The following PTK2 variants were observed in gnomAD, a reference collection of about 807,000 sequenced individuals.
PTK2 encodes focal adhesion kinase 1.
Under a neutral mutation model 150.1 loss-of-function variants are expected in PTK2, and 45 were observed. The ratio of observed to expected loss-of-function variants is 0.30; its 90% CI spans 0.24 to 0.38. The LOEUF (loss-of-function observed/expected upper bound fraction) is 0.38, where lower values mean the gene tolerates loss of function less well. PTK2 is among the 10% of genes least tolerant of loss of function. PTK2 has a pLI of 1.00. For missense variants in PTK2, 919 were observed against 1,307.3 expected (o/e 0.70, Z 4.58); for synonymous variants, 432 against 449.2 (o/e 0.96, Z 0.48).
In PTK2 at chr8:140,963,015, C is replaced by T. The variant is rs184118408; in HGVS notation, c.-121-37266G>A. Among the ~76,000 whole-genome samples the T allele has an allele frequency of 3.9e-5, 6 of 152,072 alleles. No individual in the cohort carries two copies. The East Asian group carries it at 1.2e-3, about 29-fold the overall frequency. ...CAATATATAAACAATTTGAATGCAT[C>T]CCAATAAATACATATTTACAAAAGC... On this transcript the variant is annotated intron_variant, in intron 1 of 31. Transcript: ENST00000522684.
At chr8:140,971,988 T>C (rs925401550) in intron 1 of PTK2, among the ~76,000 whole-genome samples, 1 of 152,224 alleles carries the variant, frequency 6.6e-6, no homozygotes, top group Non-Finnish European at 1.5e-5. Context: ...TATAAATGCC[T>C]TCTAAGCAAT....
intron 4 of PTK2, among the ~76,000 whole-genome samples, chr8:140,877,837 T>G (rs1287735068): frequency 2.0e-5 from 3 of 152,122 alleles, no homozygotes; most frequent in African/African-American, 4.8e-5. Flanking sequence ...GTAAATAAAT[T>G]GGCTTAAAAG....
intron 16 of PTK2, among the ~76,000 whole-genome samples, chr8:140,756,536 A>C (rs1453461685): frequency 2.0e-5 from 3 of 150,708 alleles, no homozygotes; most frequent in African/African-American, 7.3e-5. Flanking sequence ...CATCTCTACT[A>C]AAAATACAAA....
chr8:140,987,966 G>A (rs923622872), intron 1 of PTK2, among the ~76,000 whole-genome samples: 2 of 151,404 alleles, frequency 1.3e-5, no homozygotes, highest in South Asian at 2.1e-4. Context: ...GATCACTTGA[G>A]CCTGGGAGGT....
At chr8:140,871,126 T>G (rs1207402009) in intron 4 of PTK2, among the ~76,000 whole-genome samples, 1 of 152,232 alleles carries the variant, frequency 6.6e-6, no homozygotes, top group African/African-American at 2.4e-5. Flanking sequence ...ACAGACCATT[T>G]TGAAGTCTAA....
chr8:140,991,336 T>C (rs965676255), intron 1 of PTK2, among the ~76,000 whole-genome samples: 1 of 152,180 alleles, frequency 6.6e-6, no homozygotes, highest in Admixed American at 6.5e-5. Context: ...AGCACCAACA[T>C]GTACACACAC....
At chr8:140,681,708 T>C (rs562242350) in intron 27 of PTK2, among the ~76,000 whole-genome samples, 11 of 150,058 alleles carry the variant, frequency 7.3e-5, no homozygotes, top group South Asian at 4.3e-4. Flanking sequence ...ACCCGGGAGG[T>C]GGAGCTTGCC....
intron 2 of PTK2, among the ~76,000 whole-genome samples, chr8:140,907,234 T>G (rs1018982140): frequency 6.6e-6 from 1 of 152,256 alleles, no homozygotes; most frequent in African/African-American, 2.4e-5. Flanking sequence ...TTCTGCCTTC[T>G]TCTCTACTAT....
At chr8:140,860,564 T>C (rs1350578337) in intron 5 of PTK2, among the ~76,000 whole-genome samples, 1 of 152,190 alleles carries the variant, frequency 6.6e-6, no homozygotes, top group Non-Finnish European at 1.5e-5. Flanking sequence ...AACCTTTGCC[T>C]CCTGGATTCA....
chr8:140,860,215 G>A (rs903417591), intron 5 of PTK2, among the ~76,000 whole-genome samples: 1 of 152,100 alleles, frequency 6.6e-6, no homozygotes, highest in African/African-American at 2.4e-5. Flanking sequence ...CATCTGCAAC[G>A]CCTCTAATTT....
chr8:140,869,769 T>C (rs185433381), intron 4 of PTK2, among the ~76,000 whole-genome samples: 31 of 152,030 alleles, frequency 2.0e-4, no homozygotes, highest in East Asian at 1.2e-3. Context: ...AGAGGGGCAC[T>C]AGGTACTGGT....
chr8:140,729,932 C>T lies in PTK2; in HGVS notation c.2030+5319G>A, dbSNP rs148762243. Among the ~76,000 whole-genome samples the T allele has an allele frequency of 4.5e-3, 683 of 152,266 alleles. 4 individuals are homozygous for T. The highest frequency in any genetic ancestry group is 0.016 in the African/African-American group (646 of 41,536). ...GAAGATACTACCTATACGTAGTATG[C>T]CCCAGGACTGTGAGGATTAAGATGA... On this transcript the variant is annotated intron_variant, in intron 22 of 31. Coordinates refer to ENST00000522684, the Ensembl canonical transcript of PTK2.
intron 1 of PTK2, among the ~76,000 whole-genome samples, chr8:140,943,758 T>C (rs1186622236): frequency 6.6e-6 from 1 of 152,200 alleles, no homozygotes; most frequent in African/African-American, 2.4e-5. Flanking sequence ...TTTTTGGTTT[T>C]TAACATCAGC....
intron 30 of PTK2, among the ~76,000 whole-genome samples, chr8:140,666,679 T>C (rs1157018971): frequency 2.6e-5 from 4 of 152,084 alleles, no homozygotes. Flanking sequence ...TTGGAGGGAA[T>C]GTAAGATGGT....
intron 2 of PTK2, chr8:140,921,133 C>A (rs1243084465): frequency 4.0e-6 from 5 of 1,265,188 alleles, no homozygotes; most frequent in Non-Finnish European, 5.0e-6. Flanking sequence ...CTTCCGCAAT[C>A]TGAAACACAG....
intron 17 of PTK2, among the ~76,000 whole-genome samples, chr8:140,747,743 G>A (rs973784641): frequency 1.9e-5 from 2 of 104,964 alleles, no homozygotes; most frequent in Admixed American, 1.8e-4. Flanking sequence ...GGAAGTAGGA[G>A]GAGGGGGAGG....
Position 140,870,779 on chromosome 8 carries a change from T to C in PTK2, c.363-6380A>G, listed in dbSNP as rs1175767878. On this transcript the variant is annotated intron_variant, in intron 4 of 31. Transcript: ENST00000522684. ...TTAAAAATTTTGTCATGATATTTAATAAACAAGTTAAAATTTGAATACTAA... is the reference window on the plus strand; with the variant it reads ...TTAAAAATTTTGTCATGATATTTAACAAACAAGTTAAAATTTGAATACTAA... 3.9e-5 allele frequency among the ~76,000 whole-genome samples: 6 copies of C among 152,360 alleles called. No individual in the cohort carries two copies. The East Asian group carries it at 1.2e-3, about 29-fold the overall frequency.
intron 29 of PTK2, among the ~76,000 whole-genome samples, chr8:140,671,845 T>C (rs991452636): frequency 2.8e-5 from 4 of 141,318 alleles, no homozygotes; most frequent in East Asian, 4.3e-4. Context: ...GGCAGGAGAA[T>C]GGCGTGAACC....
At chr8:140,959,988 A>T (rs1290266693) in intron 1 of PTK2, among the ~76,000 whole-genome samples, 1 of 151,496 alleles carries the variant, frequency 6.6e-6, no homozygotes, top group Non-Finnish European at 1.5e-5. Context: ...TGCACTCCAC[A>T]CTGGGCAAAC....
Sources: allele counts gnomAD v4.1 joint callset (sites outside exome capture counted in the v4.1 genomes callset), GRCh38; gene constraint gnomAD v4.1.1; transcripts MANE v1.5; gene names NCBI Gene and HGNC (gene_info 2026-07-23, HGNC 2026-07-21).